SUN1: variants seen among roughly 807,000 people sequenced by gnomAD.
SUN1 encodes Sad1 and UNC84 domain containing 1.
A neutral mutation model predicts 103.2 loss-of-function variants in SUN1; 61 were observed. The ratio of observed to expected loss-of-function variants is 0.59; its 90% CI spans 0.48 to 0.73. The LOEUF (loss-of-function observed/expected upper bound fraction) is 0.73, where lower values mean the gene tolerates loss of function less well. Among genes scored for constraint, SUN1 ranks in the 30% least tolerant of loss-of-function variants. SUN1 has a pLI of 0.00. For missense variants in SUN1, 1,052 were observed against 1,034.6 expected, an observed-to-expected ratio of 1.02 and a Z score of -0.23; for synonymous variants, 490 against 425.7, an observed-to-expected ratio of 1.15 and a Z score of -1.86.
upstream of SUN1, chr7:816,569 T>A: frequency 2.5e-6 from 1 of 394,360 alleles, no homozygotes; most frequent in Non-Finnish European, 5.0e-6. Flanking sequence ...CCTGCGTTGC[T>A]CCCGCCCTCG....
chr7:873,603 C>CT lies in SUN1; in HGVS notation c.*275dup, dbSNP rs1268724759. 2.7e-6 allele frequency: 1 copy of CT among 374,728 alleles called. No homozygotes were observed. The highest frequency in any genetic ancestry group is 4.3e-5 in the Admixed American group (1 of 23,198). 23.2% of individuals were successfully genotyped at this position (374,728 alleles called of 1,614,324 possible). On this transcript the variant is annotated 3_prime_UTR_variant, in exon 19 of 19. Coordinates refer to ENST00000401592, the MANE Select transcript of SUN1 (RefSeq NM_001130965.3). Reference sequence around the variant, plus strand: ...CACTCCTTGTTTTTAACGGGAAGCTCTTTGCATTTGCATTTCCTCAACAAA... The same window carrying CT: ...CACTCCTTGTTTTTAACGGGAAGCTCTTTTGCATTTGCATTTCCTCAACAAA...
chr7:860,564 T>G (rs1317828365), intron 14 of SUN1, among the ~76,000 whole-genome samples, 182 bp downstream of exon 14: 1 of 152,218 alleles, frequency 6.6e-6, no homozygotes, highest in African/African-American at 2.4e-5. Context: ...GGGGCACCTG[T>G]GCGGTGAGCT....
chr7:862,421 T>A (rs999091054), intron 15 of SUN1, among the ~76,000 whole-genome samples: 1 of 152,220 alleles, frequency 6.6e-6, no homozygotes, highest in African/African-American at 2.4e-5. Context: ...CTGAGTTCTT[T>A]CTGTGGTGGC....
chr7:849,901 C>T, intron 5 of SUN1: 1 of 1,582,980 alleles, frequency 6.3e-7, no homozygotes, highest in Non-Finnish European at 8.5e-7. Flanking sequence ...GCCACACTCA[C>T]TGCCTGTCAC....
rs1377708324 is a variant in SUN1, at chr7:873,719, G to A, written c.*388G>A. 3.0e-5 allele frequency: 5 copies of A among 166,798 alleles called. No individual in the cohort carries two copies. The highest frequency in any genetic ancestry group is 9.5e-5 in the African/African-American group (4 of 42,004). The allele number at this position is 166,798 out of a possible 1,614,324, so 10.3% of individuals were successfully genotyped here. On this transcript the variant is annotated 3_prime_UTR_variant, in exon 19 of 19. Coordinates refer to ENST00000401592, the MANE Select transcript of SUN1 (RefSeq NM_001130965.3). Reference sequence around the variant, plus strand: ...GGCTCTTCTAAAGGACTTTTGGAGGGCAGATAATTTCATCTGTTAAATCCA... The same window carrying A: ...GGCTCTTCTAAAGGACTTTTGGAGGACAGATAATTTCATCTGTTAAATCCA...
upstream of SUN1, chr7:830,891 C>G (rs1327857834): frequency 1.1e-6 from 1 of 948,772 alleles, no homozygotes; most frequent in Non-Finnish European, 1.3e-6. Context: ...CCCATTGTTG[C>G]ATTGCTGCTG....
At chr7:830,483 T>C (rs1469419813), upstream of SUN1, among the ~76,000 whole-genome samples, 1 of 152,226 alleles carries the variant, frequency 6.6e-6, no homozygotes, top group Non-Finnish European at 1.5e-5. Flanking sequence ...TGTACATAGA[T>C]GCATTTTACT....
rs867601015 is a variant in SUN1, at chr7:856,275, C to A, written c.1351-83C>A. The A allele has an allele frequency of 1.2e-5, 17 of 1,410,174 alleles. No individual in the cohort carries two copies. In the South Asian group the frequency reaches 1.4e-4, roughly 12 times the overall value. 87.4% of individuals were successfully genotyped at this position (1,410,174 alleles called of 1,614,324 possible). ...ATTAAAGGGGGTATTCCAGATAAAT[C>A]AATGGAGTTTTAAGTATGTGGTTTT... On this transcript the variant is annotated intron_variant, in intron 11 of 18. Transcript: ENST00000401592.
intron 14 of SUN1, 118 bp from the exon 15 acceptor site, chr7:861,262 T>C: frequency 1.0e-6 from 1 of 985,086 alleles, no homozygotes; most frequent in South Asian, 1.5e-5. Context: ...GAACCCTACA[T>C]AGTTTCCGTT....
At chr7:852,397 C>T in intron 7 of SUN1, 1 of 633,306 alleles carries the variant, frequency 1.6e-6, no homozygotes, top group Admixed American at 2.8e-5. Flanking sequence ...GCCATTCCCA[C>T]AGCACCAGAG....
At position 873,618 on chromosome 7, in the gene SUN1, T is replaced by C; in HGVS notation, c.*287T>C. 3.0e-6 allele frequency: 1 copy of C among 337,730 alleles called. No individual in the cohort carries two copies. Among genetic ancestry groups the C allele is most frequent in the Non-Finnish European group, 5.5e-6 (1 of 183,192 alleles). 20.9% of individuals were successfully genotyped at this position (337,730 alleles called of 1,614,324 possible). ...ACGGGAAGCTCTTTGCATTTGCATT[T>C]CCTCAACAAAGGAGCAAAGCAGAGG... On this transcript the variant is annotated 3_prime_UTR_variant, in exon 19 of 19. Coordinates refer to ENST00000401592, the MANE Select transcript of SUN1 (RefSeq NM_001130965.3).
At chr7:870,520 T>C (rs1292040183) in intron 17 of SUN1, among the ~76,000 whole-genome samples, 2 of 150,652 alleles carry the variant, frequency 1.3e-5, no homozygotes, top group African/African-American at 4.9e-5. Context: ...CAGGAGGCGG[T>C]GGTCACAGTG....
At chr7:825,150 C>T (rs549317718) in intron 1 of SUN1, among the ~76,000 whole-genome samples, 1 of 152,138 alleles carries the variant, frequency 6.6e-6, no homozygotes, top group African/African-American at 2.4e-5. Context: ...GCTCCACCTC[C>T]CGGGTTCACG....
chr7:835,377 T>C (rs1216742254), intron 1 of SUN1, among the ~76,000 whole-genome samples: 2 of 152,226 alleles, frequency 1.3e-5, no homozygotes, highest in Non-Finnish European at 2.9e-5. Flanking sequence ...TAAAAGATAA[T>C]GATATATTTA....
intron 3 of SUN1, 94 bp downstream of exon 3, chr7:842,224 T>C: frequency 2.2e-6 from 3 of 1,350,008 alleles, no homozygotes; most frequent in Non-Finnish European, 2.0e-6. Flanking sequence ...AGGTTGTCGG[T>C]TTGCATGGAT....
In SUN1 at chr7:861,432, C is replaced by T. The variant is rs768660012; in HGVS notation, c.1832C>T (p.Thr611Ile). 14 of 1,614,120 alleles carry T rather than the reference C, an allele frequency of 8.7e-6. No homozygotes were observed. The highest frequency in any genetic ancestry group is 1.1e-5 in the Non-Finnish European group (13 of 1,180,028). Residue 611 changes from threonine to isoleucine, a missense_variant, in exon 15 of 19, where the codon ACC becomes ATC. Physicochemically the swap from Thr to Ile is moderately conservative, Grantham distance 89. Transcript: ENST00000401592. ...SALKLYSQDKTGMVDFALESG... is the reference protein window; with the variant it reads ...SALKLYSQDKIGMVDFALESG... Reference sequence around the variant, plus strand: ...TTGAAGCTGTATTCCCAAGATAAGACCGGGATGGTGGACTTTGCTCTGGAA... The same window carrying T: ...TTGAAGCTGTATTCCCAAGATAAGATCGGGATGGTGGACTTTGCTCTGGAA...
At chr7:844,204 GC>G (rs1812920300) in intron 5 of SUN1, among the ~76,000 whole-genome samples, 1 of 152,248 alleles carries the variant, frequency 6.6e-6, no homozygotes, top group Non-Finnish European at 1.5e-5. Context: ...TCCCTGGGGG[GC>G]TGGGATTCTG....
At chr7:821,213 A>G (rs1785641097) in intron 1 of SUN1, among the ~76,000 whole-genome samples, 1 of 114,126 alleles carries the variant, frequency 8.8e-6, no homozygotes, top group Non-Finnish European at 1.6e-5. Flanking sequence ...TCTGTCGCCC[A>G]GGCTGGAGTG....
intron 1 of SUN1, among the ~76,000 whole-genome samples, chr7:825,125 C>G (rs1188873827): frequency 6.6e-6 from 1 of 151,880 alleles, no homozygotes; most frequent in Non-Finnish European, 1.5e-5. Context: ...GTGGCACGAT[C>G]TCAGCTCACT....
Sources: gnomAD v4.1 joint callset for allele counts (sites outside exome capture counted in the v4.1 genomes callset) on GRCh38, gnomAD v4.1.1 for gene constraint, MANE v1.5 for transcripts, NCBI Gene and HGNC (gene_info 2026-07-23, HGNC 2026-07-21) for gene names.